MICU2: variants seen among roughly 807,000 people sequenced by gnomAD.
MICU2 encodes mitochondrial calcium uptake 2.
A neutral mutation model predicts 60.4 loss-of-function variants in MICU2; 64 were observed. The observed-to-expected ratio is 1.06, with a 90% CI of 0.87 to 1.31. The LOEUF is 1.31. Among genes scored for constraint, MICU2 ranks in the 50% most tolerant of loss-of-function variants. The pLI, the probability that MICU2 is intolerant of heterozygous loss-of-function variation, is 0.00. For synonymous variants in MICU2, 201 were observed against 175.0 expected (o/e 1.15, Z -1.17); for missense variants, 569 against 531.0 (o/e 1.07, Z -0.70).
At chr13:21,549,789 A>G (rs1344658910) in intron 2 of MICU2, among the ~76,000 whole-genome samples, 4 of 152,228 alleles carry the variant, frequency 2.6e-5, no homozygotes, top group Non-Finnish European at 4.4e-5. Context: ...AAATATAACC[A>G]CAAGTATGCT....
chr13:21,579,964 A>T (rs1159212214), intron 1 of MICU2, among the ~76,000 whole-genome samples: 3 of 152,178 alleles, frequency 2.0e-5, no homozygotes, highest in Non-Finnish European at 2.9e-5. Flanking sequence ...GTTTTGCTTT[A>T]CAGTAGCACC....
rs1395867933 is a variant in MICU2, at chr13:21,517,795, ACACACG to A, written c.598-3383_598-3378del. 3.2e-3 allele frequency among the ~76,000 whole-genome samples: 374 copies of A among 118,476 alleles called. 1 individual carries two copies. Among genetic ancestry groups the A allele is most frequent in the African/African-American group, 4.9e-3 (171 of 35,098 alleles). 77.7% of individuals were successfully genotyped at this position (118,476 alleles called of 152,430 possible). A position where few individuals can be genotyped will look rare whatever the true frequency, so the allele number is the denominator to read the frequency against. ...GACACACACACACACACACACACAC[ACACACG>A]CGCGCGCGCGCGCACACGCGCTACA... On this transcript the variant is annotated intron_variant, in intron 6 of 11. Coordinates refer to ENST00000382374, the MANE Select transcript of MICU2 (RefSeq NM_152726.3).
At chr13:21,503,206 CTGATGGTAA>C in intron 8 of MICU2, 109 bp from the exon 9 acceptor site, 1 of 737,468 alleles carries the variant, frequency 1.4e-6, no homozygotes, top group Non-Finnish European at 2.2e-6. Flanking sequence ...TGGCTGCCTC[CTGATGGTAA>C]GCAGGATGAA....
At chr13:21,519,380 C>T (rs1396362724) in intron 6 of MICU2, among the ~76,000 whole-genome samples, 2 of 152,056 alleles carry the variant, frequency 1.3e-5, no homozygotes, top group African/African-American at 4.8e-5. Flanking sequence ...TGCTTTTAAA[C>T]ACTCCCTCTC....
At chr13:21,531,842 A>T (rs1887008918) in intron 4 of MICU2, among the ~76,000 whole-genome samples, 1 of 152,238 alleles carries the variant, frequency 6.6e-6, no homozygotes, top group Non-Finnish European at 1.5e-5. Flanking sequence ...AAACAAAAAC[A>T]AACGAACAAA....
chr13:21,594,795 A>T (rs564914200), intron 1 of MICU2, among the ~76,000 whole-genome samples: 167 of 152,206 alleles, frequency 1.1e-3, no homozygotes, highest in Non-Finnish European at 1.9e-3. Flanking sequence ...ATCAAACACC[A>T]CATGTTCTCA....
intron 9 of MICU2, among the ~76,000 whole-genome samples, chr13:21,500,803 CTTTTTA>C (rs777201803): frequency 6.6e-6 from 1 of 152,052 alleles, no homozygotes; most frequent in Non-Finnish European, 1.5e-5. Context: ...TTCATGTTAA[CTTTTTA>C]TTTTGACTCT....
At position 21,553,956 on chromosome 13, in the gene MICU2, G is replaced by C. The variant is rs1049594107; in HGVS notation, c.358+12841C>G. 2.1e-3 allele frequency among the ~76,000 whole-genome samples: 321 copies of C among 152,250 alleles called. 1 individual carries two copies. The highest frequency in any genetic ancestry group is 7.5e-3 in the African/African-American group (311 of 41,550). On this transcript the variant is annotated intron_variant, in intron 2 of 11. Coordinates refer to ENST00000382374, the MANE Select transcript of MICU2 (RefSeq NM_152726.3). ...CAGAAGGCCATTACATAATGGTAAAGGGATCAATTCAACAAGAAGAACTAA... is the reference window on the plus strand; with the variant it reads ...CAGAAGGCCATTACATAATGGTAAACGGATCAATTCAACAAGAAGAACTAA...
At chr13:21,539,510 C>T (rs1887227042) in intron 3 of MICU2, 133 bp from the exon 4 acceptor site, 3 of 1,304,828 alleles carry the variant, frequency 2.3e-6, no homozygotes, top group Admixed American at 2.0e-5. Flanking sequence ...ACTGTGTTAG[C>T]CAGGATGGTG....
chr13:21,555,922 C>T (rs1174009498), intron 2 of MICU2, among the ~76,000 whole-genome samples: 2 of 152,196 alleles, frequency 1.3e-5, no homozygotes, highest in African/African-American at 4.8e-5. Flanking sequence ...ACTGTGCTCT[C>T]AAACTCTTTT....
intron 2 of MICU2, among the ~76,000 whole-genome samples, chr13:21,558,498 A>T (rs1887763326): frequency 6.6e-6 from 1 of 152,146 alleles, no homozygotes; most frequent in South Asian, 2.1e-4. Flanking sequence ...ATTACCTTTC[A>T]CCACAACCTC....
At chr13:21,567,970 T>C (rs1013946895) in intron 1 of MICU2, among the ~76,000 whole-genome samples, 5 of 152,200 alleles carry the variant, frequency 3.3e-5, no homozygotes, top group East Asian at 1.9e-4. Flanking sequence ...AAGACACCTA[T>C]GTCAATGCAC....
chr13:21,602,336 T>C (rs900752673), intron 1 of MICU2, among the ~76,000 whole-genome samples: 88 of 151,676 alleles, frequency 5.8e-4, no homozygotes, highest in Middle Eastern at 3.4e-3. Flanking sequence ...TCCTGGCTAA[T>C]ACGGTGAAAC....
chr13:21,564,574 A>C (rs1887929831), intron 2 of MICU2, among the ~76,000 whole-genome samples: 1 of 152,170 alleles, frequency 6.6e-6, no homozygotes, highest in Non-Finnish European at 1.5e-5. Flanking sequence ...TACCCTTCAA[A>C]AGCGGTTCTC....
chr13:21,500,417 ATTTTTTTT>A (rs10608018), intron 9 of MICU2, among the ~76,000 whole-genome samples: 41 of 124,960 alleles, frequency 3.3e-4, no homozygotes, highest in African/African-American at 1.1e-3. Context: ...ATACCTACTG[ATTTTTTTT>A]TTTTTTTTTT....
chr13:21,551,523 G>A (rs1775396759), intron 2 of MICU2: 1 of 151,468 alleles, frequency 6.6e-6, no homozygotes, highest in African/African-American at 2.4e-5. Flanking sequence ...TGCCATGTTG[G>A]TGCACTGCAC....
chr13:21,544,068 ACT>A (rs750512495), intron 2 of MICU2, among the ~76,000 whole-genome samples: 1 of 152,074 alleles, frequency 6.6e-6, no homozygotes. Context: ...AGGAGAGAAC[ACT>A]CTCTTCAATA....
rs560934524 is a variant in MICU2, at chr13:21,544,532, A to AAAAAAC, written c.359-4845_359-4844insGTTTTT. ...TAAACACATGAAAAAAAAAAAAAAA[A>AAAAAAC]AACTCAATACCACTGATCATCAGGG... On this transcript the variant is annotated intron_variant, in intron 2 of 11. Transcript: ENST00000382374. 1.9e-4 allele frequency among the ~76,000 whole-genome samples: 25 copies of AAAAAAC among 132,584 alleles called. 1 individual carries two copies. The highest frequency in any genetic ancestry group is 4.3e-3 in the Middle Eastern group (1 of 234). 87.0% of individuals were successfully genotyped at this position (132,584 alleles called of 152,430 possible).
chr13:21,589,588 T>G (rs1320588062), intron 1 of MICU2, among the ~76,000 whole-genome samples: 2 of 152,224 alleles, frequency 1.3e-5, no homozygotes, highest in Admixed American at 6.5e-5. Flanking sequence ...CTTCTACTTT[T>G]AAACTTAACT....
Sources: gnomAD v4.1 joint callset for allele counts (sites outside exome capture counted in the v4.1 genomes callset) on GRCh38, gnomAD v4.1.1 for gene constraint, MANE v1.5 for transcripts, NCBI Gene and HGNC (gene_info 2026-07-23, HGNC 2026-07-21) for gene names.